SPAG16: variants seen among roughly 807,000 people sequenced by gnomAD.
SPAG16 encodes the protein sperm associated antigen 16.
In SPAG16, 86 loss-of-function variants were observed where a neutral mutation model predicts 80.4. The ratio of observed to expected loss-of-function variants is 1.07; its 90% confidence interval spans 0.90 to 1.28. The LOEUF (loss-of-function observed/expected upper bound fraction) is 1.28. SPAG16 is among the 50% of genes most tolerant of loss of function. The pLI, the probability that SPAG16 is intolerant of heterozygous loss-of-function variation, is 0.00. For synonymous variants in SPAG16, 294 were observed against 265.9 expected, an observed-to-expected ratio of 1.11 and a Z score of -1.03; for missense variants, 870 against 765.3, an observed-to-expected ratio of 1.14 and a Z score of -1.61.
intron 10 of SPAG16, among the ~76,000 whole-genome samples, chr2:213,680,059 G>C (rs2064300442): frequency 6.6e-6 from 1 of 151,956 alleles, no homozygotes; most frequent in Admixed American, 6.6e-5. Context: ...ACCACCGTGG[G>C]CCACATGAAG....
At chr2:214,325,012 C>A (rs1358661223) in intron 15 of SPAG16, among the ~76,000 whole-genome samples, 1 of 152,104 alleles carries the variant, frequency 6.6e-6, no homozygotes, top group Non-Finnish European at 1.5e-5. Flanking sequence ...TAGTAGAAAA[C>A]CCATAATATC....
At chr2:214,329,227 C>A (rs1257343179) in intron 15 of SPAG16, among the ~76,000 whole-genome samples, 1 of 152,162 alleles carries the variant, frequency 6.6e-6, no homozygotes, top group Non-Finnish European at 1.5e-5. Context: ...CAAGATGCAG[C>A]CAACACAGCA....
intron 10 of SPAG16, among the ~76,000 whole-genome samples, chr2:213,661,797 C>T (rs1186069477): frequency 6.6e-6 from 1 of 152,002 alleles, no homozygotes; most frequent in East Asian, 1.9e-4. Context: ...TTCTTTTTGT[C>T]AAAAATGTGT....
chr2:214,018,530 T>A (rs2047701742), intron 13 of SPAG16, among the ~76,000 whole-genome samples: 2 of 152,160 alleles, frequency 1.3e-5, no homozygotes, highest in Non-Finnish European at 2.9e-5. Flanking sequence ...TTGATATGGA[T>A]GACATTATTT....
chr2:214,159,010 T>C (rs2056330968), intron 15 of SPAG16, among the ~76,000 whole-genome samples: 2 of 152,122 alleles, frequency 1.3e-5, no homozygotes, highest in South Asian at 2.1e-4. Context: ...AAGATTTGTA[T>C]CTATGTGGCA....
chr2:213,490,880 AT>A (rs2074206171), intron 10 of SPAG16, among the ~76,000 whole-genome samples: 1 of 152,176 alleles, frequency 6.6e-6, no homozygotes, highest in Non-Finnish European at 1.5e-5. Context: ...TGCTCCTATT[AT>A]ACTTAAGGAG....
chr2:213,604,966 T>A lies in SPAG16; in HGVS notation c.1070+114876T>A, dbSNP rs572635566. Among the ~76,000 whole-genome samples, 364 of 149,626 alleles carry A rather than the reference T, an allele frequency of 2.4e-3. 2 individuals are homozygous for A. Among genetic ancestry groups the A allele is most frequent in the African/African-American group, 8.4e-3 (344 of 41,158 alleles). ...AATATTTATATTAAATACAAAACTT[T>A]ATGTTTTGTATAAATAAACATTGAG... On this transcript the variant is annotated intron_variant, in intron 10 of 15. Coordinates refer to ENST00000331683, the MANE Select transcript of SPAG16 (RefSeq NM_024532.5).
chr2:214,094,751 T>G (rs11904355), intron 13 of SPAG16, among the ~76,000 whole-genome samples: 13,486 of 152,074 alleles, frequency 0.089, 771 homozygotes, highest in East Asian at 0.28. Context: ...TGTATACAGT[T>G]GTTATTCTGT....
At chr2:214,326,429 G>A (rs923657076) in intron 15 of SPAG16, among the ~76,000 whole-genome samples, 23 of 152,222 alleles carry the variant, frequency 1.5e-4, no homozygotes, top group African/African-American at 5.5e-4. Flanking sequence ...AGCAATTTGT[G>A]TTGTTTTAAG....
chr2:213,843,347 A>G (rs1386139858), intron 10 of SPAG16, among the ~76,000 whole-genome samples: 28 of 152,180 alleles, frequency 1.8e-4, no homozygotes, highest in Admixed American at 1.8e-3. Context: ...ATCCACAGTG[A>G]CTAATCTATG....
intron 15 of SPAG16, among the ~76,000 whole-genome samples, chr2:214,407,573 G>A (rs1702062200): frequency 6.6e-6 from 1 of 152,106 alleles, no homozygotes. Context: ...GTGATTTGCA[G>A]TGTGGTTTGT....
At chr2:213,776,373 G>A (rs2069575751) in intron 10 of SPAG16, among the ~76,000 whole-genome samples, 1 of 152,194 alleles carries the variant, frequency 6.6e-6, no homozygotes, top group African/African-American at 2.4e-5. Flanking sequence ...ATCACTAGAA[G>A]TTGGAAACAG....
chr2:213,407,631 G>A (rs962752084), intron 9 of SPAG16, among the ~76,000 whole-genome samples: 1 of 90,832 alleles, frequency 1.1e-5, no homozygotes, highest in Non-Finnish European at 3.0e-5. Flanking sequence ...GAGAGAGAGA[G>A]AGAGAGAGAC....
At chr2:214,114,878 T>C (rs1225290885) in intron 14 of SPAG16, among the ~76,000 whole-genome samples, 1 of 152,184 alleles carries the variant, frequency 6.6e-6, no homozygotes, top group Non-Finnish European at 1.5e-5. Flanking sequence ...AAATCACCCG[T>C]CTTCTGCATT....
intron 5 of SPAG16, among the ~76,000 whole-genome samples, chr2:213,333,829 C>G (rs1282963660): frequency 6.6e-6 from 1 of 152,034 alleles, no homozygotes; most frequent in African/African-American, 2.4e-5. Flanking sequence ...AATACTATGT[C>G]TCATCATGTG....
chr2:214,026,531 A>G (rs1180302538), intron 13 of SPAG16, among the ~76,000 whole-genome samples: 1 of 151,574 alleles, frequency 6.6e-6, no homozygotes, highest in Non-Finnish European at 1.5e-5. Context: ...AGGTTCTTTC[A>G]TTGAAAGAGA....
chr2:213,910,817 A>G (rs967304994), intron 11 of SPAG16, among the ~76,000 whole-genome samples: 1 of 152,216 alleles, frequency 6.6e-6, no homozygotes, highest in Non-Finnish European at 1.5e-5. Flanking sequence ...CTACAAAACA[A>G]TCATTAAAAG....
chr2:214,172,310 TG>T (rs2056899081), intron 15 of SPAG16, among the ~76,000 whole-genome samples: 1 of 152,020 alleles, frequency 6.6e-6, no homozygotes, highest in Non-Finnish European at 1.5e-5. Flanking sequence ...GTGTTCTCAT[TG>T]TTCAATTCCC....
At chr2:213,408,060 G>A (rs1559102078) in intron 9 of SPAG16, among the ~76,000 whole-genome samples, 1 of 148,172 alleles carries the variant, frequency 6.7e-6, no homozygotes, top group Non-Finnish European at 1.5e-5. Context: ...GCAGAGAGAG[G>A]GAGAGGCAGG....
Sources: gnomAD v4.1 joint callset for allele counts (sites outside exome capture counted in the v4.1 genomes callset) on GRCh38, gnomAD v4.1.1 for gene constraint, MANE v1.5 for transcripts, NCBI Gene and HGNC (gene_info 2026-07-23, HGNC 2026-07-21) for gene names.